EFNB2: variants seen among roughly 807,000 people sequenced by gnomAD.
EFNB2 encodes the protein ephrin B2.
In EFNB2, 5 loss-of-function variants were observed where a neutral mutation model predicts 32.1. The ratio of observed to expected loss-of-function variants is 0.16; its 90% CI spans 0.08 to 0.33. The LOEUF is 0.33. Ranked by LOEUF, EFNB2 falls within the 10% of genes least tolerant of loss-of-function variation. EFNB2 has a pLI of 1.00. For missense variants in EFNB2, 263 were observed against 422.6 expected (o/e 0.62, Z 3.31); for synonymous variants, 168 against 166.5 (o/e 1.01, Z -0.07).
chr13:106,496,395 A>C (rs1360333064), intron 2 of EFNB2, among the ~76,000 whole-genome samples: 1 of 152,198 alleles, frequency 6.6e-6, no homozygotes, highest in East Asian at 1.9e-4. Context: ...TATACCAGAA[A>C]TCAGGTCTTC....
At position 106,490,646 on chromosome 13, in the gene EFNB2, T is replaced by G. The variant is rs140793466; in HGVS notation, c.*2394A>C. 2.6e-5 allele frequency: 4 copies of G among 152,214 alleles called. No individual in the cohort carries two copies. Among genetic ancestry groups the G allele is most frequent in the African/African-American group, 9.6e-5 (4 of 41,544 alleles). 9.4% of individuals were successfully genotyped at this position (152,214 alleles called of 1,614,324 possible). A position where few individuals can be genotyped will look rare whatever the true frequency, so the allele number is the denominator to read the frequency against. ...CTTCTGATGGCTTACAAGAAACTCTTGCATGAATGCACAGAAAGGAGAGGT... is the reference window on the plus strand; with the variant it reads ...CTTCTGATGGCTTACAAGAAACTCTGGCATGAATGCACAGAAAGGAGAGGT... On this transcript the variant is annotated 3_prime_UTR_variant, in exon 5 of 5. Transcript: ENST00000646441.
intron 1 of EFNB2, among the ~76,000 whole-genome samples, chr13:106,533,657 C>A (rs1024802489): frequency 6.6e-6 from 1 of 152,174 alleles, no homozygotes; most frequent in Admixed American, 6.5e-5. Context: ...ATTTCTAAAT[C>A]AATCCCCCAT....
In EFNB2 at chr13:106,535,014, G is replaced by A; in HGVS notation, c.-50C>T. The A allele has an allele frequency of 6.2e-7, 1 of 1,605,502 alleles. No individual in the cohort carries two copies. Among genetic ancestry groups the A allele is most frequent in the Non-Finnish European group, 8.5e-7 (1 of 1,176,166 alleles). On this transcript the variant is annotated 5_prime_UTR_variant, in exon 1 of 5. Transcript: ENST00000646441. ...CACTCCGGGCCAAGAAGGGACTGAC[G>A]GGACGCAGGCTGGGACCCCCAATCC...
At position 106,492,886 on chromosome 13, in the gene EFNB2, G is replaced by T; in HGVS notation, c.*154C>A. 1 of 988,830 alleles carries T rather than the reference G, an allele frequency of 1.0e-6. No individual in the cohort carries two copies. The highest frequency in any genetic ancestry group is 1.5e-6 in the Non-Finnish European group (1 of 686,984). The allele number at this position is 988,830 out of a possible 1,614,324, so 61.3% of individuals were successfully genotyped here. ...CGAATGCTACAAGACTAGGTAAGCT[G>T]TCCAGCGCGACGGGCTCTTCCGAGG... is the stretch of plus-strand genomic sequence containing the variant. On this transcript the variant is annotated 3_prime_UTR_variant, in exon 5 of 5. Coordinates refer to ENST00000646441, the MANE Select transcript of EFNB2 (RefSeq NM_004093.4). This position sits in a 1 kb window ranked among gnomAD's most constrained non-coding sequence, Gnocchi z 5.1.
At chr13:106,498,549 T>C (rs146485629) in intron 2 of EFNB2, among the ~76,000 whole-genome samples, 5 of 152,300 alleles carry the variant, frequency 3.3e-5, no homozygotes, top group Admixed American at 2.0e-4. Flanking sequence ...TAAAATTCAA[T>C]TGGAATCTAT....
At chr13:106,534,783 G>T (rs1241150208) in intron 1 of EFNB2, 60 bp downstream of exon 1, 5 of 1,544,058 alleles carry the variant, frequency 3.2e-6, no homozygotes, top group Non-Finnish European at 4.4e-6. Context: ...CCCTCCTCCC[G>T]CCCGGACGGC....
intron 2 of EFNB2, among the ~76,000 whole-genome samples, chr13:106,498,964 C>T (rs532224183): frequency 7.3e-4 from 111 of 152,196 alleles, no homozygotes; most frequent in Non-Finnish European, 1.1e-3. Flanking sequence ...TACTTGGTTG[C>T]TTATAAAGGG....
intron 1 of EFNB2, among the ~76,000 whole-genome samples, chr13:106,530,210 T>C (rs530360696): frequency 4.6e-5 from 7 of 152,320 alleles, no homozygotes; most frequent in Admixed American, 3.9e-4. Flanking sequence ...TCCCATTTGC[T>C]ATCCTTCCTT....
rs368576231 is a variant in EFNB2 at position 106,493,394 on chromosome 13, C to T, written c.648G>A (p.Ser216=). ...SSTDGNSAGH[S]GNNILGSEVA... is the part of the protein sequence containing the mutation. The stretch of plus-strand genomic sequence containing the variant: ...CTTCGGAACCGAGGATGTTGTTCCC[C>T]GAATGTCCGGCGCTGTTGCCGTCTG... The change falls in exon 5 of 5, where the codon TCG becomes TCA. Residue 216 remains serine (S), a synonymous_variant. Coordinates refer to ENST00000646441, the MANE Select transcript of EFNB2 (RefSeq NM_004093.4). This position sits in a 1 kb window ranked among gnomAD's most constrained non-coding sequence, Gnocchi z 6.1. The T allele has an allele frequency of 5.7e-5, 92 of 1,613,512 alleles. No homozygotes were observed. Among genetic ancestry groups the T allele is most frequent in the Non-Finnish European group, 7.0e-5 (82 of 1,179,704 alleles).
chr13:106,526,234 G>A (rs552976946), intron 1 of EFNB2, among the ~76,000 whole-genome samples: 17 of 152,326 alleles, frequency 1.1e-4, no homozygotes, highest in African/African-American at 4.1e-4. Flanking sequence ...GCAGAAGGAT[G>A]ACAGTTAAAA....
intron 2 of EFNB2, among the ~76,000 whole-genome samples, chr13:106,504,644 T>C (rs1878891307): frequency 6.6e-6 from 1 of 152,210 alleles, no homozygotes. Context: ...CAAAATGGGC[T>C]ACTTCACCAA....
At chr13:106,529,067 T>G (rs944150448) in intron 1 of EFNB2, among the ~76,000 whole-genome samples, 1 of 152,216 alleles carries the variant, frequency 6.6e-6, no homozygotes, top group Non-Finnish European at 1.5e-5. Flanking sequence ...TATCTTTTTT[T>G]CCAGGGTGGG....
chr13:106,522,918 C>T (rs915006207), intron 1 of EFNB2, among the ~76,000 whole-genome samples: 1 of 152,094 alleles, frequency 6.6e-6, no homozygotes, highest in South Asian at 2.1e-4. Flanking sequence ...AAAGAATGAA[C>T]AAATTAATAA....
At chr13:106,495,094 A>G (rs1278896099) in intron 3 of EFNB2, 100 bp from the exon 4 acceptor site, 16 of 906,216 alleles carry the variant, frequency 1.8e-5, no homozygotes, top group East Asian at 1.2e-4. Flanking sequence ...AGCAATGAAC[A>G]TAAGAGTCTT....
At chr13:106,495,874 TA>T (rs1352029430) in intron 2 of EFNB2, 34 bp from the exon 3 acceptor site, 1 of 1,582,452 alleles carries the variant, frequency 6.3e-7, no homozygotes, top group Non-Finnish European at 8.6e-7. Context: ...AACAAAAAAA[TA>T]AAGAAAAATC....
intron 1 of EFNB2, among the ~76,000 whole-genome samples, chr13:106,533,888 A>G (rs1879965885): frequency 6.6e-6 from 1 of 152,172 alleles, no homozygotes; most frequent in African/African-American, 2.4e-5. Flanking sequence ...ACGAGTTATG[A>G]CCACACAGAT....
At chr13:106,498,406 C>A (rs1408712280) in intron 2 of EFNB2, among the ~76,000 whole-genome samples, 3 of 152,142 alleles carry the variant, frequency 2.0e-5, no homozygotes, top group Non-Finnish European at 4.4e-5. Flanking sequence ...ACAAGAGGTG[C>A]ACATTATTTG....
intron 1 of EFNB2, among the ~76,000 whole-genome samples, chr13:106,513,865 C>T (rs148054557): frequency 2.6e-5 from 4 of 152,274 alleles, no homozygotes; most frequent in African/African-American, 7.2e-5. Context: ...TAACCAGAGA[C>T]GCCCACCAGC....
intron 1 of EFNB2, among the ~76,000 whole-genome samples, chr13:106,532,593 C>T (rs1431680616): frequency 2.0e-5 from 3 of 152,226 alleles, no homozygotes; most frequent in Non-Finnish European, 4.4e-5. Flanking sequence ...AGGAAGAAAT[C>T]TTTCTGATCT....
Sources: gnomAD v4.1 joint callset for allele counts (sites outside exome capture counted in the v4.1 genomes callset) on GRCh38, gnomAD v4.1.1 for gene constraint, Gnocchi (gnomAD v3.1) non-coding constraint, MANE v1.5 for transcripts, NCBI Gene and HGNC (gene_info 2026-07-23, HGNC 2026-07-21) for gene names.